The following PDGFRB variants were observed in gnomAD, a reference collection of about 807,000 sequenced individuals.
The protein encoded by PDGFRB is platelet-derived growth factor receptor beta.
A neutral mutation model predicts 120.2 loss-of-function variants in PDGFRB; 42 were observed. The observed-to-expected ratio is 0.35, with a 90% CI of 0.27 to 0.45. The LOEUF is 0.45. PDGFRB is among the 20% of genes least tolerant of loss of function. PDGFRB has a pLI of 1.00. For missense variants in PDGFRB, 1,149 were observed against 1,476.3 expected, an observed-to-expected ratio of 0.78 and a Z score of 3.63; for synonymous variants, 586 against 606.8, an observed-to-expected ratio of 0.97 and a Z score of 0.50.
At chr5:150,130,736 C>T in intron 8 of PDGFRB, 74 bp from the exon 9 acceptor site, 12 of 1,367,510 alleles carry the variant, frequency 8.8e-6, no homozygotes, top group African/African-American at 1.5e-5. Context: ...CAGGGGAGGA[C>T]CTGGCCCAGA....
chr5:150,141,200 T>A (rs1760774900), intron 1 of PDGFRB, among the ~76,000 whole-genome samples: 1 of 152,270 alleles, frequency 6.6e-6, no homozygotes, highest in Non-Finnish European at 1.5e-5. Context: ...CAGCTCCCAC[T>A]GTGCCCAGCA....
chr5:150,122,485 G>A (rs1760169470), intron 15 of PDGFRB, among the ~76,000 whole-genome samples: 1 of 152,276 alleles, frequency 6.6e-6, no homozygotes, highest in Admixed American at 6.5e-5. Context: ...AAAAAGATGG[G>A]AGAAGCCCTT....
intron 1 of PDGFRB, among the ~76,000 whole-genome samples, chr5:150,155,137 AC>A (rs887616419): frequency 1.3e-5 from 2 of 151,808 alleles, no homozygotes; most frequent in African/African-American, 4.8e-5. Context: ...GCACCCAGAA[AC>A]CCCTGAGGAT....
At chr5:150,127,515 A>G (rs1281907105) in intron 10 of PDGFRB, among the ~76,000 whole-genome samples, 1 of 152,216 alleles carries the variant, frequency 6.6e-6, no homozygotes, top group Non-Finnish European at 1.5e-5. Context: ...TTGAATTACT[A>G]AGTGAATGCC....
At chr5:150,141,744 G>C (rs1760789822) in intron 1 of PDGFRB, among the ~76,000 whole-genome samples, 1 of 150,886 alleles carries the variant, frequency 6.6e-6, no homozygotes, top group African/African-American at 2.4e-5. Flanking sequence ...ATACTGGGAG[G>C]CAGAAGTGTA....
At position 150,123,184 on chromosome 5, in the gene PDGFRB, T is replaced by C; in HGVS notation, c.2041A>G (p.Thr681Ala). 1 of 1,613,504 alleles carries C rather than the reference T, an allele frequency of 6.2e-7. No homozygotes were observed. The highest frequency in any genetic ancestry group is 8.5e-7 in the Non-Finnish European group (1 of 1,179,818). Residue 681 changes from threonine (T) to alanine (A), a missense_variant, in exon 15 of 23, where the codon ACT (threonine) becomes GCT (alanine). Physicochemically the swap from Thr to Ala is moderately conservative, Grantham distance 58. Around this residue, in one of 3 missense-constraint regions of PDGFRB, gnomAD observed 879 missense variants for 1,108.6 expected, o/e 0.79. Transcript: ENST00000261799. ...CTKGGPIYIITEYCRYGDLVD... is the reference protein window; with the variant it reads ...CTKGGPIYIIAEYCRYGDLVD... The stretch of plus-strand genomic sequence containing the variant: ...AGGTCTCCGTAGCGGCAGTACTCAG[T>C]GATGATATAGATGGGTCCTGCAGAG...
At chr5:150,138,782 C>T (rs1171663193) in intron 1 of PDGFRB, among the ~76,000 whole-genome samples, 2 of 152,240 alleles carry the variant, frequency 1.3e-5, no homozygotes, top group Non-Finnish European at 2.9e-5. Flanking sequence ...TCTGCCCCTC[C>T]GTCGGTGCCC....
rs2113887832 is a variant in PDGFRB at position 150,120,152 on chromosome 5, T to C, written c.2587-29A>G. The C allele has an allele frequency of 2.0e-6, 2 of 1,013,948 alleles. No individual in the cohort carries two copies. Among genetic ancestry groups the C allele is most frequent in the South Asian group, 1.3e-5 (1 of 79,244 alleles). The allele number at this position is 1,013,948 out of a possible 1,614,324, so 62.8% of individuals were successfully genotyped here. On this transcript the variant is annotated intron_variant, in intron 18 of 22. Transcript: ENST00000261799. This position sits in a 1 kb window ranked among gnomAD's most constrained non-coding sequence, Gnocchi z 4.3. ...TAGGGAGGTCAGGACAGGTGCTGAG[T>C]GCAAGGAAGGACCTCAGCCCCACTC...
At chr5:150,118,139 C>A (rs1483357735) in intron 21 of PDGFRB, among the ~76,000 whole-genome samples, 1 of 152,176 alleles carries the variant, frequency 6.6e-6, no homozygotes, top group South Asian at 2.1e-4. Flanking sequence ...TCTCATGCTG[C>A]CTCAGCGTCC....
chr5:150,118,961 G>C lies in PDGFRB; in HGVS notation c.2799-109C>G. On this transcript the variant is annotated intron_variant, in intron 20 of 22. Coordinates refer to ENST00000261799, the MANE Select transcript of PDGFRB (RefSeq NM_002609.4). Reference sequence around the variant, plus strand: ...CTCAGAACAAGGTGAGCCATGGAAAGGAGCTGGAGGGAAGTGGTGGCTGGG... The same window carrying C: ...CTCAGAACAAGGTGAGCCATGGAAACGAGCTGGAGGGAAGTGGTGGCTGGG... 3 of 679,930 alleles carry C rather than the reference G, an allele frequency of 4.4e-6. No homozygotes were observed. The South Asian group carries it at 5.5e-5, about 12-fold the overall frequency. 42.1% of individuals were successfully genotyped at this position (679,930 alleles called of 1,614,324 possible).
In PDGFRB at chr5:150,123,087, G is replaced by A. The variant is rs368867827; in HGVS notation, c.2138C>T (p.Ala713Val). The A allele has an allele frequency of 8.1e-6, 13 of 1,613,798 alleles. No individual in the cohort carries two copies. Among genetic ancestry groups the A allele is most frequent in the South Asian group, 2.2e-5 (2 of 91,090 alleles). ...GGGCAGAGCATTGCTGTAGAGCTCC[G>A]CGCTGGGCGGGCGGCGCTTGTCGGA... ...HHSDKRRPPS[A>V]ELYSNALPVG... The change falls in exon 15 of 23, where the codon GCG becomes GTG. Residue 713 changes from alanine (A) to valine (V), a missense_variant. Ala to Val is a moderately conservative substitution (Grantham distance 64, BLOSUM62 0). Around this residue, in one of 3 missense-constraint regions of PDGFRB, gnomAD observed 879 missense variants for 1,108.6 expected, o/e 0.79. Transcript: ENST00000261799.
intron 21 of PDGFRB, among the ~76,000 whole-genome samples, chr5:150,118,153 T>G (rs1290329347): frequency 6.6e-6 from 1 of 152,190 alleles, no homozygotes; most frequent in African/African-American, 2.4e-5. Flanking sequence ...AGCGTCCTTC[T>G]TCAGGGCCTC....
At chr5:150,141,989 G>C (rs1326896641) in intron 1 of PDGFRB, among the ~76,000 whole-genome samples, 6 of 151,984 alleles carry the variant, frequency 3.9e-5, no homozygotes, top group Admixed American at 2.0e-4. Context: ...GGGGTGCTGG[G>C]GGCAGGCAGT....
At chr5:150,148,502 A>G (rs1484639409) in intron 1 of PDGFRB, among the ~76,000 whole-genome samples, 1 of 152,256 alleles carries the variant, frequency 6.6e-6, no homozygotes, top group Admixed American at 6.5e-5. Flanking sequence ...GGCAGAACAG[A>G]CATATGGCAC....
Position 150,133,612 on chromosome 5 carries a change from T to G in PDGFRB, c.908A>C (p.Glu303Ala), listed in dbSNP as rs1202005152. ...AACCACGGTGATGTTGATGGCCTTT[T>G]CATCCTGATGGTCATTCACACTCTC... ...VTESVNDHQD[E>A]KAINITVVES... is the part of the protein sequence containing the mutation. Residue 303 changes from glutamate to alanine, a missense_variant, in exon 6 of 23, where the codon GAA becomes GCA. By Grantham distance (107) the Glu-to-Ala change is moderately radical (BLOSUM62 -1). Transcript: ENST00000261799. 6.2e-7 allele frequency: 1 copy of G among 1,614,042 alleles called. No homozygotes were observed. The highest frequency in any genetic ancestry group is 1.3e-5 in the African/African-American group (1 of 74,934).
intron 6 of PDGFRB, 107 bp downstream of exon 6, chr5:150,133,479 C>T (rs906229603): frequency 2.2e-6 from 2 of 920,878 alleles, no homozygotes; most frequent in Non-Finnish European, 1.7e-6. Flanking sequence ...CAGCCCTGAT[C>T]ACTGTATCAA....
At chr5:150,148,720 C>G (rs1488494649) in intron 1 of PDGFRB, among the ~76,000 whole-genome samples, 1 of 152,252 alleles carries the variant, frequency 6.6e-6, no homozygotes, top group Admixed American at 6.5e-5. Flanking sequence ...TGATGACGCA[C>G]AGCACTTGGC....
At chr5:150,153,260 G>A (rs555016361) in intron 1 of PDGFRB, among the ~76,000 whole-genome samples, 7 of 152,328 alleles carry the variant, frequency 4.6e-5, no homozygotes, top group African/African-American at 1.7e-4. Context: ...TGTCTGGGAG[G>A]AGGGTGCTGA....
chr5:150,146,604 TGTG>T (rs930959564), intron 1 of PDGFRB, among the ~76,000 whole-genome samples: 1 of 152,100 alleles, frequency 6.6e-6, no homozygotes, highest in African/African-American at 2.4e-5. Flanking sequence ...AGTACAGTGG[TGTG>T]GTGGCATGAT....
Sources: allele counts gnomAD v4.1 joint callset (sites outside exome capture counted in the v4.1 genomes callset), GRCh38; gene constraint gnomAD v4.1.1; regional missense constraint gnomAD v4.1.1; non-coding constraint Gnocchi (gnomAD v3.1); transcripts MANE v1.5; gene names NCBI Gene and HGNC (gene_info 2026-07-23, HGNC 2026-07-21).